The following LARP4B variants were observed in gnomAD, a reference collection of about 807,000 sequenced individuals.
LARP4B encodes la-related protein 4B.
Under a neutral mutation model 89.8 loss-of-function variants are expected in LARP4B, and 12 were observed. The observed-to-expected ratio is 0.13, with a 90% confidence interval of 0.09 to 0.22. The LOEUF is 0.22. LARP4B is among the 10% of genes least tolerant of loss of function. The pLI is 1.00. For missense variants in LARP4B, 757 were observed against 947.7 expected, an observed-to-expected ratio of 0.80 and a Z score of 2.64; for synonymous variants, 367 against 363.3, an observed-to-expected ratio of 1.01 and a Z score of -0.12.
chr10:938,510 C>T, the LARP4B span, among the ~76,000 whole-genome samples: 1 of 152,158 alleles, frequency 6.6e-6, no homozygotes, highest in African/African-American at 2.4e-5. Flanking sequence ...GCCTCGGCCT[C>T]CCAAAGTGCT....
chr10:846,774 G>A (rs973485537), intron 5 of LARP4B, among the ~76,000 whole-genome samples: 7 of 152,136 alleles, frequency 4.6e-5, no homozygotes, highest in South Asian at 2.1e-4. Context: ...CTCTCCAAGC[G>A]ATAGGTGGTG....
chr10:829,938 C>T (rs1010298120), intron 9 of LARP4B, among the ~76,000 whole-genome samples: 1 of 152,168 alleles, frequency 6.6e-6, no homozygotes. Context: ...CCCAAATTCT[C>T]ACAAACAAGA....
intron 15 of LARP4B, chr10:815,299 C>A (rs1368368146): frequency 1.1e-5 from 4 of 370,492 alleles, no homozygotes; most frequent in Admixed American, 8.7e-5. Flanking sequence ...ACATCACAGG[C>A]CCTTATCTCC....
At chr10:858,051 G>A (rs1834399356) in intron 5 of LARP4B, among the ~76,000 whole-genome samples, 1 of 152,122 alleles carries the variant, frequency 6.6e-6, no homozygotes, top group Admixed American at 6.5e-5. Context: ...AAATTAAAGA[G>A]CAAAAATCTG....
chr10:905,500 C>T (rs1453841412), intron 1 of LARP4B, among the ~76,000 whole-genome samples: 1 of 152,152 alleles, frequency 6.6e-6, no homozygotes, highest in Admixed American at 6.5e-5. Flanking sequence ...AAACACTTGA[C>T]CGAAGTCAGG....
chr10:873,068 T>C, intron 3 of LARP4B: 2 of 985,398 alleles, frequency 2.0e-6, no homozygotes, highest in Non-Finnish European at 2.4e-6. Flanking sequence ...TTCCTTTTCC[T>C]CCACAGATTT....
At chr10:977,243 TC>T in the LARP4B span, among the ~76,000 whole-genome samples, 3 of 152,146 alleles carry the variant, frequency 2.0e-5, no homozygotes, top group Non-Finnish European at 4.4e-5. Context: ...GGCCTCTACT[TC>T]CTGGGCTCAA....
At chr10:877,527 T>C (rs1319387374) in intron 3 of LARP4B, among the ~76,000 whole-genome samples, 4 of 152,240 alleles carry the variant, frequency 2.6e-5, no homozygotes, top group South Asian at 4.1e-4. Context: ...TGAAGCCAGA[T>C]TGCCTGGGTT....
At chr10:838,974 C>G (rs949959835) in intron 7 of LARP4B, among the ~76,000 whole-genome samples, 2 of 152,196 alleles carry the variant, frequency 1.3e-5, no homozygotes, top group African/African-American at 4.8e-5. Flanking sequence ...CATGGAGGAA[C>G]CTTCAACATA....
At chr10:843,182 A>G (rs1007353554) in intron 6 of LARP4B, 114 bp from the exon 7 acceptor site, 26 of 960,258 alleles carry the variant, frequency 2.7e-5, no homozygotes, top group Non-Finnish European at 3.9e-5. Flanking sequence ...CTTTGGAGTT[A>G]AATCTCAGCC....
At chr10:974,810 C>T in the LARP4B span, among the ~76,000 whole-genome samples, 23 of 152,362 alleles carry the variant, frequency 1.5e-4, no homozygotes, top group South Asian at 4.1e-4. Context: ...TCACGCTCAT[C>T]GAAAGCTTGG....
the LARP4B span, among the ~76,000 whole-genome samples, chr10:950,929 A>G: frequency 4.9e-4 from 74 of 151,488 alleles, no homozygotes; most frequent in Admixed American, 1.1e-3. Context: ...CAATCATGTC[A>G]TCTGCAAATA....
chr10:956,303 C>T, the LARP4B span, among the ~76,000 whole-genome samples: 4 of 151,920 alleles, frequency 2.6e-5, no homozygotes, highest in East Asian at 3.9e-4. This position sits in a 1 kb window ranked among gnomAD's most constrained non-coding sequence, Gnocchi z 4.3. Flanking sequence ...AGTACACCTG[C>T]GTCTAAGGGG....
intron 8 of LARP4B, among the ~76,000 whole-genome samples, chr10:832,736 A>G (rs1298611406): frequency 6.6e-6 from 1 of 152,206 alleles, no homozygotes; most frequent in Non-Finnish European, 1.5e-5. Flanking sequence ...CCTTTCATAA[A>G]TAAAGGTGAA....
At chr10:979,214 T>C in the LARP4B span, among the ~76,000 whole-genome samples, 1 of 152,224 alleles carries the variant, frequency 6.6e-6, no homozygotes, top group Non-Finnish European at 1.5e-5. Context: ...GGAGTACTTA[T>C]TGGACAAACA....
chr10:940,229 C>G, the LARP4B span, among the ~76,000 whole-genome samples: 1 of 152,162 alleles, frequency 6.6e-6, no homozygotes, highest in Non-Finnish European at 1.5e-5. Context: ...ATTGGTCAGG[C>G]TGGTCTCAAA....
chr10:867,893 T>C (rs1344611408), intron 3 of LARP4B, among the ~76,000 whole-genome samples: 3 of 142,008 alleles, frequency 2.1e-5, no homozygotes, highest in East Asian at 2.1e-4. Context: ...AAAACTCCAG[T>C]GTCGTCTGCT....
chr10:914,114 A>G (rs940580779), intron 1 of LARP4B, among the ~76,000 whole-genome samples: 2 of 152,248 alleles, frequency 1.3e-5, no homozygotes, highest in African/African-American at 4.8e-5. Context: ...AAATATATTT[A>G]GGTTATAAAC....
At chr10:904,028 G>T (rs1361273468) in intron 1 of LARP4B, among the ~76,000 whole-genome samples, 3 of 152,122 alleles carry the variant, frequency 2.0e-5, no homozygotes, top group Non-Finnish European at 4.4e-5. Context: ...GCACTAATCT[G>T]AAAATCTGAA....
Sources: allele counts gnomAD v4.1 joint callset (sites outside exome capture counted in the v4.1 genomes callset), GRCh38; gene constraint gnomAD v4.1.1; non-coding constraint Gnocchi (gnomAD v3.1); transcripts MANE v1.5; gene names NCBI Gene and HGNC (gene_info 2026-07-23, HGNC 2026-07-21).